Variants in RARB observed in about 807,000 individuals in gnomAD.
RARB encodes the protein retinoic acid receptor beta.
RARB carries 17 observed loss-of-function variants against 51.9 expected under a neutral mutation model. The ratio of observed to expected loss-of-function variants is 0.33; its 90% CI spans 0.22 to 0.49. The LOEUF is 0.49. Ranked by LOEUF, RARB falls within the 20% of genes least tolerant of loss-of-function variation. The pLI is 0.99. For synonymous variants in RARB, 215 were observed against 195.4 expected, an observed-to-expected ratio of 1.10 and a Z score of -0.84; for missense variants, 369 against 550.8, an observed-to-expected ratio of 0.67 and a Z score of 3.30.
intron 4 of RARB, 90 bp from the exon 5 acceptor site, chr3:25,580,456 C>A: frequency 7.9e-7 from 1 of 1,259,156 alleles, no homozygotes; most frequent in Non-Finnish European, 1.1e-6. Flanking sequence ...GCTGACATGT[C>A]ACCCCCTCTA....
chr3:25,586,739 G>T (rs1236580292), intron 5 of RARB, among the ~76,000 whole-genome samples: 1 of 152,162 alleles, frequency 6.6e-6, no homozygotes, highest in Non-Finnish European at 1.5e-5. Flanking sequence ...GCCATGGAGG[G>T]CCGTTCCCAT....
intron 2 of RARB, among the ~76,000 whole-genome samples, chr3:25,025,970 C>A (rs540650740): frequency 1.8e-4 from 27 of 152,218 alleles, no homozygotes; most frequent in African/African-American, 5.8e-4. Flanking sequence ...TCTGATTCAA[C>A]CTGATAGTCT....
intron 2 of RARB, among the ~76,000 whole-genome samples, chr3:24,889,642 C>T (rs967436151): frequency 1.3e-5 from 2 of 150,048 alleles, no homozygotes; most frequent in South Asian, 2.1e-4. Flanking sequence ...TCTTCCCACC[C>T]ACCTCCAACA....
At chr3:25,154,427 ATGTTC>A (rs749446629) in intron 4 of RARB, among the ~76,000 whole-genome samples, 2 of 152,082 alleles carry the variant, frequency 1.3e-5, no homozygotes, top group Non-Finnish European at 2.9e-5. Context: ...ACCCTCATTA[ATGTTC>A]TTTGGATTCA....
intron 3 of RARB, among the ~76,000 whole-genome samples, chr3:25,504,620 T>A (rs1311444551): frequency 2.0e-5 from 3 of 151,976 alleles, no homozygotes; most frequent in Non-Finnish European, 4.4e-5. Flanking sequence ...TCCACCATGA[T>A]TTGTCAGGTC....
intron 5 of RARB, among the ~76,000 whole-genome samples, chr3:25,297,709 C>A (rs932261746): frequency 6.6e-6 from 1 of 151,968 alleles, no homozygotes; most frequent in Non-Finnish European, 1.5e-5. Context: ...AAGAGATGGT[C>A]CCATTTTTTC....
chr3:25,026,710 A>T (rs1559438934), intron 2 of RARB, among the ~76,000 whole-genome samples: 1 of 152,148 alleles, frequency 6.6e-6, no homozygotes, highest in African/African-American at 2.4e-5. Flanking sequence ...GTCCTGGTAA[A>T]TTTTTACGTG....
chr3:25,457,023 C>T (rs1445651494), intron 1 of RARB, among the ~76,000 whole-genome samples: 1 of 151,986 alleles, frequency 6.6e-6, no homozygotes, highest in Non-Finnish European at 1.5e-5. Context: ...TTGGATTCGC[C>T]TGGGAATACT....
chr3:25,321,492 C>T lies in RARB; in HGVS notation c.179-139701C>T, dbSNP rs536591533. On this transcript the variant is annotated intron_variant, in intron 5 of 11. Transcript: ENST00000383772. ...CAGCACTTTGGGAGGCCGAGGCAGTCCAGTCACCTGAGGTTAGGTGTTCGA... is the reference window on the plus strand; with the variant it reads ...CAGCACTTTGGGAGGCCGAGGCAGTTCAGTCACCTGAGGTTAGGTGTTCGA... Among the ~76,000 whole-genome samples the T allele has an allele frequency of 3.3e-5, 5 of 152,006 alleles. No homozygotes were observed. In the South Asian group the frequency reaches 1.0e-3, roughly 32 times the overall value.
intron 2 of RARB, among the ~76,000 whole-genome samples, chr3:24,973,336 T>G (rs1696442235): frequency 6.6e-6 from 1 of 151,968 alleles, no homozygotes; most frequent in African/African-American, 2.4e-5. Context: ...TGATCTACTT[T>G]TATCTCAATA....
chr3:25,329,267 AC>A (rs1704819232), intron 5 of RARB, among the ~76,000 whole-genome samples: 1 of 152,136 alleles, frequency 6.6e-6, no homozygotes, highest in South Asian at 2.1e-4. Flanking sequence ...ACGGGGAGGC[AC>A]CACCCAGTAG....
chr3:25,264,960 G>C (rs1703090477), intron 5 of RARB, among the ~76,000 whole-genome samples: 1 of 152,116 alleles, frequency 6.6e-6, no homozygotes, highest in Admixed American at 6.5e-5. Context: ...GAGGCCTTTG[G>C]GAGGTACTTA....
intron 5 of RARB, among the ~76,000 whole-genome samples, chr3:25,241,626 C>T (rs964121515): frequency 3.3e-5 from 5 of 152,158 alleles, no homozygotes; most frequent in Admixed American, 2.6e-4. Flanking sequence ...TCATGCATAT[C>T]CCTGCAAAGG....
intron 5 of RARB, among the ~76,000 whole-genome samples, chr3:25,251,166 A>G (rs188811875): frequency 3.9e-5 from 6 of 152,188 alleles, no homozygotes; most frequent in Admixed American, 1.3e-4. Flanking sequence ...ACATATGTCA[A>G]TATATTCAAG....
At chr3:25,144,225 G>T (rs12495130) in intron 4 of RARB, among the ~76,000 whole-genome samples, 79,475 of 151,876 alleles carry the variant, frequency 0.52, 21,035 homozygotes, top group East Asian at 0.67. Context: ...TACAGAAGAT[G>T]GCAGGGTACT....
chr3:24,955,598 T>C (rs1027188523), intron 2 of RARB, among the ~76,000 whole-genome samples: 2 of 152,118 alleles, frequency 1.3e-5, no homozygotes, highest in Non-Finnish European at 2.9e-5. Flanking sequence ...AAAAGGCAGA[T>C]TAATAGGAGA....
intron 5 of RARB, among the ~76,000 whole-genome samples, chr3:25,240,436 T>G (rs982301233): frequency 2.0e-5 from 3 of 152,196 alleles, no homozygotes; most frequent in African/African-American, 7.2e-5. Context: ...TCAACTCTTT[T>G]CCATTTAGTA....
At chr3:25,379,782 A>G (rs1706571712) in intron 5 of RARB, among the ~76,000 whole-genome samples, 1 of 152,228 alleles carries the variant, frequency 6.6e-6, no homozygotes, top group Admixed American at 6.5e-5. Context: ...TATATCTCAT[A>G]GCTAATGGCA....
At chr3:25,400,466 A>G (rs1036184140) in intron 5 of RARB, among the ~76,000 whole-genome samples, 2 of 152,144 alleles carry the variant, frequency 1.3e-5, no homozygotes, top group Non-Finnish European at 1.5e-5. Flanking sequence ...AAATGCTGAT[A>G]ATAATAGTAT....
Sources: gnomAD v4.1 joint callset for allele counts (sites outside exome capture counted in the v4.1 genomes callset) on GRCh38, gnomAD v4.1.1 for gene constraint, MANE v1.5 for transcripts, NCBI Gene and HGNC (gene_info 2026-07-23, HGNC 2026-07-21) for gene names.